Variants in CAMK1D observed in about 807,000 individuals in gnomAD.
CAMK1D encodes calcium/calmodulin-dependent protein kinase type 1D.
In CAMK1D, 9 loss-of-function variants were observed where a neutral mutation model predicts 47.7. The ratio of observed to expected loss-of-function variants is 0.19; its 90% CI spans 0.11 to 0.33. The LOEUF is 0.33. CAMK1D is among the 10% of genes least tolerant of loss of function. The pLI is 1.00. For missense variants in CAMK1D, 291 were observed against 488.7 expected, an observed-to-expected ratio of 0.60 and a Z score of 3.81; for synonymous variants, 184 against 184.9, an observed-to-expected ratio of 0.99 and a Z score of 0.04.
intron 1 of CAMK1D, among the ~76,000 whole-genome samples, chr10:12,359,302 C>T (rs544062165): frequency 7.2e-5 from 11 of 152,280 alleles, no homozygotes; most frequent in Admixed American, 2.0e-4. Flanking sequence ...AGTCAATGCC[C>T]GCTCTCTATC....
chr10:12,573,598 G>C (rs1394756489), intron 2 of CAMK1D, among the ~76,000 whole-genome samples: 1 of 152,016 alleles, frequency 6.6e-6, no homozygotes. Flanking sequence ...GATGTTACTA[G>C]CTTTCCTCTT....
At chr10:12,531,436 C>A (rs183355517) in intron 1 of CAMK1D, among the ~76,000 whole-genome samples, 1 of 152,150 alleles carries the variant, frequency 6.6e-6, no homozygotes, top group South Asian at 2.1e-4. Flanking sequence ...AGTGCCTGGA[C>A]CTTACTGTGT....
intron 1 of CAMK1D, among the ~76,000 whole-genome samples, chr10:12,399,752 A>G (rs967628355): frequency 1.3e-5 from 2 of 152,212 alleles, no homozygotes; most frequent in Non-Finnish European, 2.9e-5. Flanking sequence ...TTTGCTGCTT[A>G]AAGTAGCCCC....
chr10:12,735,783 CTTT>C (rs11373540), intron 3 of CAMK1D, among the ~76,000 whole-genome samples: 2 of 147,580 alleles, frequency 1.4e-5, no homozygotes, highest in South Asian at 2.1e-4. Flanking sequence ...CAGTCAGCAT[CTTT>C]TTTTTTTTTT....
At chr10:12,485,193 C>A (rs973586000) in intron 1 of CAMK1D, among the ~76,000 whole-genome samples, 1 of 152,156 alleles carries the variant, frequency 6.6e-6, no homozygotes, top group Non-Finnish European at 1.5e-5. Flanking sequence ...TTTTAGCGAA[C>A]ATGGCTAAGG....
chr10:12,693,979 TATTA>T (rs1418937206), intron 3 of CAMK1D, among the ~76,000 whole-genome samples: 1 of 16,008 alleles, frequency 6.2e-5, no homozygotes, highest in African/African-American at 1.6e-4. Flanking sequence ...ATATAATATA[TATTA>T]TATATACATA....
Position 12,554,001 on chromosome 10 carries a change from C to T in CAMK1D, c.224+645C>T, listed in dbSNP as rs80353040. ...CTGCCACAGACATGGCGCCTGGCAC[C>T]CAGCAGGCTGCGTGGAGTTCACTGT... On this transcript the variant is annotated intron_variant, in intron 2 of 10. Coordinates refer to ENST00000619168, the MANE Select transcript of CAMK1D (RefSeq NM_153498.4). Among the ~76,000 whole-genome samples the T allele has an allele frequency of 5.9e-5, 9 of 152,186 alleles. No individual in the cohort carries two copies. In the East Asian group the frequency reaches 1.7e-3, roughly 29 times the overall value.
At chr10:12,568,577 C>T (rs1035001957) in intron 2 of CAMK1D, among the ~76,000 whole-genome samples, 1 of 137,804 alleles carries the variant, frequency 7.3e-6, no homozygotes. Context: ...AGGCCATGTG[C>T]CCAGAGTCAG....
chr10:12,415,170 C>G (rs1179267614), intron 1 of CAMK1D, among the ~76,000 whole-genome samples: 1 of 146,548 alleles, frequency 6.8e-6, no homozygotes, highest in East Asian at 2.0e-4. Flanking sequence ...GGTTTCCAGT[C>G]TATTAATATC....
chr10:12,431,706 C>T (rs1030471269), intron 1 of CAMK1D, among the ~76,000 whole-genome samples: 2 of 152,236 alleles, frequency 1.3e-5, no homozygotes, highest in African/African-American at 2.4e-5. Context: ...TGATCTCACC[C>T]GCATGACCCG....
intron 3 of CAMK1D, among the ~76,000 whole-genome samples, chr10:12,702,049 C>T (rs937861451): frequency 1.3e-5 from 2 of 152,230 alleles, no homozygotes; most frequent in African/African-American, 2.4e-5. Flanking sequence ...TTGGCCAGAG[C>T]TCATTTGTGT....
At chr10:12,578,928 T>C (rs1391524155) in intron 2 of CAMK1D, 1 of 153,066 alleles carries the variant, frequency 6.5e-6, no homozygotes, top group Non-Finnish European at 1.5e-5. Flanking sequence ...TAGAGACGCA[T>C]AGCACATGAG....
chr10:12,757,502 C>T (rs963499623), intron 3 of CAMK1D, among the ~76,000 whole-genome samples: 1 of 152,182 alleles, frequency 6.6e-6, no homozygotes, highest in Admixed American at 6.5e-5. Flanking sequence ...CCAACCTAAG[C>T]ATGGTCTGCA....
At chr10:12,808,426 C>G (rs572963303) in intron 6 of CAMK1D, among the ~76,000 whole-genome samples, 1 of 152,320 alleles carries the variant, frequency 6.6e-6, no homozygotes, top group South Asian at 2.1e-4. Flanking sequence ...TATACCTCCT[C>G]CTGGCCTAGG....
intron 3 of CAMK1D, among the ~76,000 whole-genome samples, chr10:12,744,755 G>A (rs1195103286): frequency 6.7e-6 from 1 of 148,562 alleles, no homozygotes; most frequent in East Asian, 1.9e-4. Context: ...AAAAAAAAAA[G>A]CCAGACGTGG....
chr10:12,422,892 C>T (rs1273006200), intron 1 of CAMK1D, among the ~76,000 whole-genome samples: 2 of 151,928 alleles, frequency 1.3e-5, no homozygotes, highest in Non-Finnish European at 2.9e-5. Context: ...AGGCTGGTTT[C>T]GAACTCCTGA....
Position 12,648,620 on chromosome 10 carries a change from G to A in CAMK1D, c.225-18116G>A, listed in dbSNP as rs954663542. On this transcript the variant is annotated intron_variant, in intron 2 of 10. Coordinates refer to ENST00000619168, the MANE Select transcript of CAMK1D (RefSeq NM_153498.4). ...CAAGTAGCTGGGATTACAGGCATGCGCCACCATGCCTGGCTAATTTTTGTA... is the reference window on the plus strand; with the variant it reads ...CAAGTAGCTGGGATTACAGGCATGCACCACCATGCCTGGCTAATTTTTGTA... Among the ~76,000 whole-genome samples, 35 of 152,018 alleles carry A rather than the reference G, an allele frequency of 2.3e-4. 2 individuals carry two copies. The highest frequency in any genetic ancestry group is 8.5e-4 in the Admixed American group (13 of 15,262).
intron 2 of CAMK1D, among the ~76,000 whole-genome samples, chr10:12,627,788 G>GA (rs1010666135): frequency 2.6e-5 from 4 of 151,988 alleles, no homozygotes; most frequent in Non-Finnish European, 4.4e-5. Flanking sequence ...GATGAACACA[G>GA]AAAAAAACAA....
At chr10:12,719,588 A>T (rs1440189311) in intron 3 of CAMK1D, among the ~76,000 whole-genome samples, 1 of 152,102 alleles carries the variant, frequency 6.6e-6, no homozygotes, top group African/African-American at 2.4e-5. Context: ...CTTCAACAGA[A>T]TCCTGTTTCA....
Sources: allele counts gnomAD v4.1 joint callset (sites outside exome capture counted in the v4.1 genomes callset), GRCh38; gene constraint gnomAD v4.1.1; transcripts MANE v1.5; gene names NCBI Gene and HGNC (gene_info 2026-07-23, HGNC 2026-07-21).